Variants in NAV2 observed in about 807,000 individuals in gnomAD.
NAV2 encodes the protein helicase, APC down-regulated 1.
In NAV2, 54 loss-of-function variants were observed where a neutral mutation model predicts 223.2. The observed-to-expected ratio is 0.24, with a 90% CI of 0.19 to 0.30. The LOEUF is 0.30. NAV2 is among the 10% of genes least tolerant of loss of function. The probability of loss-of-function intolerance (pLI) is 1.00; values close to 1 mark genes in which losing one functional copy is unlikely to be tolerated. For synonymous variants in NAV2, 1,279 were observed against 1,239.3 expected (o/e 1.03, Z -0.67); for missense variants, 2,806 against 3,147.5 (o/e 0.89, Z 2.60).
intron 33 of NAV2, 69 bp downstream of exon 33, chr11:20,103,478 C>A: frequency 6.4e-7 from 1 of 1,561,452 alleles, no homozygotes; most frequent in South Asian, 1.2e-5. Flanking sequence ...GCACTGTGCA[C>A]ACAGGTGGCC....
At chr11:19,930,553 TTTAA>T (rs1207400431) in intron 6 of NAV2, among the ~76,000 whole-genome samples, 7 of 152,222 alleles carry the variant, frequency 4.6e-5, no homozygotes, top group African/African-American at 1.7e-4. Context: ...ATATAGTTTA[TTTAA>T]TTAAATTTAT....
chr11:19,889,482 G>C (rs7121882), intron 5 of NAV2, among the ~76,000 whole-genome samples: 54,855 of 151,956 alleles, frequency 0.36, 11,626 homozygotes, highest in Non-Finnish European at 0.47. Flanking sequence ...AGTGGTCAAG[G>C]GTGGACAGGA....
chr11:19,822,835 A>G (rs576817834), intron 1 of NAV2, among the ~76,000 whole-genome samples: 1 of 152,344 alleles, frequency 6.6e-6, no homozygotes, highest in East Asian at 1.9e-4. Flanking sequence ...ATATGCTCAG[A>G]TGGGGAATAG....
chr11:19,951,582 T>TAAAG (rs10654027), intron 10 of NAV2, among the ~76,000 whole-genome samples: 150,740 of 152,230 alleles, frequency 0.99, 74,651 homozygotes, highest in Middle Eastern at 1. Flanking sequence ...TATCCTGTAA[T>TAAAG]AGTTGATTTT....
chr11:19,740,266 C>T (rs1356126811), intron 1 of NAV2, among the ~76,000 whole-genome samples: 1 of 152,090 alleles, frequency 6.6e-6, no homozygotes, highest in Non-Finnish European at 1.5e-5. Flanking sequence ...ACATTGTGGG[C>T]AAAGACATGG....
intron 1 of NAV2, among the ~76,000 whole-genome samples, chr11:19,604,495 G>T (rs1399045330): frequency 6.6e-6 from 1 of 152,176 alleles, no homozygotes; most frequent in Non-Finnish European, 1.5e-5. Context: ...CAAGAGGACT[G>T]GGCTGGAGCA....
chr11:20,056,655 A>T, intron 19 of NAV2: 1 of 1,459,562 alleles, frequency 6.9e-7, no homozygotes, highest in Middle Eastern at 1.7e-4. Context: ...AATTCTGTGG[A>T]GGATATCATC....
chr11:19,936,853 G>T (rs1440477918), intron 7 of NAV2, among the ~76,000 whole-genome samples: 9 of 152,074 alleles, frequency 5.9e-5, no homozygotes, highest in Non-Finnish European at 8.8e-5. Context: ...AAAACCAGGT[G>T]TAGGCTGGGC....
At chr11:19,784,881 TTCATCATCA>T (rs1040926362) in intron 1 of NAV2, among the ~76,000 whole-genome samples, 11 of 151,988 alleles carry the variant, frequency 7.2e-5, no homozygotes, top group African/African-American at 2.7e-4. Context: ...TCAACAGAAA[TTCATCATCA>T]TCATCATCAT....
intron 1 of NAV2, among the ~76,000 whole-genome samples, chr11:19,545,482 A>G (rs1231094930): frequency 6.6e-6 from 1 of 152,196 alleles, no homozygotes; most frequent in African/African-American, 2.4e-5. Flanking sequence ...TGAGGTGGAA[A>G]GCTTGCCTGG....
chr11:19,692,916 C>A (rs528082651), intron 1 of NAV2, among the ~76,000 whole-genome samples: 1 of 152,344 alleles, frequency 6.6e-6, no homozygotes, highest in South Asian at 2.1e-4. Context: ...TGCTGTTGTA[C>A]ATTTGATAGG....
intron 1 of NAV2, among the ~76,000 whole-genome samples, chr11:19,728,594 C>T (rs566243835): frequency 6.6e-6 from 1 of 152,338 alleles, no homozygotes; most frequent in South Asian, 2.1e-4. Context: ...TAAACCCTGC[C>T]TCTGCTTCCT....
At position 19,721,204 on chromosome 11, in the gene NAV2, C is replaced by G. The variant is rs1462753283; in HGVS notation, c.267+7242C>G. Reference sequence around the variant, plus strand: ...GTTACTACTGAGTCTAAGTAAATCACTTTCAAATTTCCTTTAGCTTGGTAA... The same window carrying G: ...GTTACTACTGAGTCTAAGTAAATCAGTTTCAAATTTCCTTTAGCTTGGTAA... On this transcript the variant is annotated intron_variant, in intron 1 of 37. Coordinates refer to ENST00000349880, the MANE Select transcript of NAV2 (RefSeq NM_145117.5). Among the ~76,000 whole-genome samples, 3 of 152,228 alleles carry G rather than the reference C, an allele frequency of 2.0e-5. No homozygotes were observed. The East Asian group carries it at 5.8e-4, about 29-fold the overall frequency.
intron 1 of NAV2, among the ~76,000 whole-genome samples, chr11:19,640,828 G>C (rs1213407901): frequency 6.6e-6 from 1 of 152,178 alleles, no homozygotes; most frequent in Non-Finnish European, 1.5e-5. Context: ...CTTACAACAG[G>C]TATCACACTT....
intron 1 of NAV2, among the ~76,000 whole-genome samples, chr11:19,591,479 G>A (rs758171590): frequency 6.6e-6 from 1 of 152,164 alleles, no homozygotes; most frequent in South Asian, 2.1e-4. Context: ...CCTGAGAATA[G>A]CAGATGACCA....
At chr11:19,423,088 G>T (rs1284357150) in intron 1 of NAV2, among the ~76,000 whole-genome samples, 1 of 152,212 alleles carries the variant, frequency 6.6e-6, no homozygotes, top group East Asian at 1.9e-4. Context: ...ATTTACCTCA[G>T]TGCCTGACAC....
chr11:19,571,464 T>C (rs750369732), intron 1 of NAV2, among the ~76,000 whole-genome samples: 6 of 152,184 alleles, frequency 3.9e-5, no homozygotes, highest in Admixed American at 6.5e-5. Context: ...TCCCAGCACT[T>C]TGGAGGCCAA....
At chr11:19,436,012 T>A (rs1197627120) in intron 1 of NAV2, among the ~76,000 whole-genome samples, 1 of 152,186 alleles carries the variant, frequency 6.6e-6, no homozygotes, top group East Asian at 1.9e-4. Flanking sequence ...CCCCCCAGTC[T>A]CTGTGTCGTC....
chr11:19,793,284 G>A (rs968706532), intron 1 of NAV2, among the ~76,000 whole-genome samples: 1 of 151,074 alleles, frequency 6.6e-6, no homozygotes, highest in African/African-American at 2.4e-5. Flanking sequence ...ATTTGTCTCA[G>A]TGCATGTATC....
Sources: gnomAD v4.1 joint callset for allele counts (sites outside exome capture counted in the v4.1 genomes callset) on GRCh38, gnomAD v4.1.1 for gene constraint, MANE v1.5 for transcripts, NCBI Gene and HGNC (gene_info 2026-07-23, HGNC 2026-07-21) for gene names.